The following FCRL3 variants were observed in gnomAD, a reference collection of about 807,000 sequenced individuals.
FCRL3 encodes the protein Fc receptor like 3.
In FCRL3, 89 loss-of-function variants were observed where a neutral mutation model predicts 75.0. The observed-to-expected ratio is 1.19, with a 90% CI of 1.00 to 1.42. FCRL3 has a LOEUF of 1.42. Among genes scored for constraint, FCRL3 ranks in the 40% most tolerant of loss-of-function variants. The probability of loss-of-function intolerance (pLI) is 0.00; values close to 1 mark genes in which losing one functional copy is unlikely to be tolerated. For synonymous variants in FCRL3, 376 were observed against 348.5 expected (o/e 1.08, Z -0.88); for missense variants, 946 against 880.0 (o/e 1.07, Z -0.95).
rs1656253594 is a variant in FCRL3, at chr1:157,700,530, CA to C, written c.-42del. On this transcript the variant is annotated 5_prime_UTR_variant, in exon 2 of 15. Coordinates refer to ENST00000368184, the MANE Select transcript of FCRL3 (RefSeq NM_052939.4). ...AGAGGGTTGGGAAAGTCTGTCTCACCAAAAGCCCGACTTATCTCCAAGAAGG... is the reference window on the plus strand; with the variant it reads ...AGAGGGTTGGGAAAGTCTGTCTCACCAAAGCCCGACTTATCTCCAAGAAGG... The C allele has an allele frequency of 4.3e-6, 7 of 1,613,736 alleles. No homozygotes were observed. The highest frequency in any genetic ancestry group is 5.9e-6 in the Non-Finnish European group (7 of 1,179,906).
rs759291043 is a variant in FCRL3, at chr1:157,700,454, C to T, written c.31+5G>A. ...CCGTGGCCCCATTATAGCCCATCTA[C>T]TCACTCAGGATCAGCAGCAGCAGCC... On this transcript the variant is annotated splice_donor_5th_base_variant and intron_variant, in intron 2 of 14. Transcript: ENST00000368184. 3.1e-6 allele frequency: 5 copies of T among 1,613,864 alleles called. No individual in the cohort carries two copies. The African/African-American group carries it at 5.3e-5, about 17-fold the overall frequency.
chr1:157,690,427 G>A lies in FCRL3; in HGVS notation c.1518C>T (p.Ile506=). The part of the protein sequence containing the change: ...HCESLRGSFP[I]LYWFYHEDDT... The stretch of plus-strand genomic sequence containing the variant: ...CATCCTCGTGATAAAACCAGTACAG[G>A]ATCGGGAAGGAGCCTCTCAGGGACT... Residue 506 remains isoleucine, a synonymous_variant, in exon 9 of 15, where the codon ATC becomes ATT. Transcript: ENST00000368184. The A allele has an allele frequency of 1.2e-6, 2 of 1,614,230 alleles. No individual in the cohort carries two copies. Among genetic ancestry groups the A allele is most frequent in the South Asian group, 1.1e-5 (1 of 91,088 alleles).
chr1:157,693,482 T>C (rs1200026680), intron 8 of FCRL3, among the ~76,000 whole-genome samples: 1 of 152,062 alleles, frequency 6.6e-6, no homozygotes, highest in Non-Finnish European at 1.5e-5. Context: ...GATGTAGATA[T>C]ATTGGTAAGA....
Position 157,678,463 on chromosome 1 carries a change from C to A in FCRL3, c.*247G>T. The A allele has an allele frequency of 7.4e-7, 1 of 1,359,836 alleles. No individual in the cohort carries two copies. Among genetic ancestry groups the A allele is most frequent in the South Asian group, 1.6e-5 (1 of 60,920 alleles). 84.2% of individuals were successfully genotyped at this position (1,359,836 alleles called of 1,614,324 possible). On this transcript the variant is annotated 3_prime_UTR_variant, in exon 15 of 15. Coordinates refer to ENST00000368184, the MANE Select transcript of FCRL3 (RefSeq NM_052939.4). ...TCGACAGCCCTAGGAGCTGAGGGCC[C>A]TCCTGCCTTGCCACGTGTCTCCACT...
Position 157,683,218 on chromosome 1 carries a change from T to C in FCRL3, c.1837A>G (p.Ser613Gly). Reference sequence around the variant, plus strand: ...CAGCACAAGAAGCAGAGACCTCACCTAGATGTTCCAGTGGCAGAAAGTCCT... The same window carrying C: ...CAGCACAAGAAGCAGAGACCTCACCCAGATGTTCCAGTGGCAGAAAGTCCT... Reference protein sequence around the residue: ...PGGLSATGTSSHSPSECQEPS... With the variant: ...PGGLSATGTSGHSPSECQEPS... Residue 613 changes from serine (S) to glycine (G), a missense_variant and splice_region_variant, in exon 11 of 15, where the codon AGT (serine) becomes GGT (glycine). By Grantham distance (56) the Ser-to-Gly change is moderately conservative (BLOSUM62 0). Transcript: ENST00000368184. 6.2e-7 allele frequency: 1 copy of C among 1,613,592 alleles called. No individual in the cohort carries two copies. The highest frequency in any genetic ancestry group is 8.5e-7 in the Non-Finnish European group (1 of 1,179,756).
chr1:157,696,566 A>C, intron 6 of FCRL3: 3 of 521,926 alleles, frequency 5.7e-6, no homozygotes, highest in Non-Finnish European at 1.0e-5. Flanking sequence ...CATAAATCCA[A>C]TGTTTTCTGG....
intron 8 of FCRL3, among the ~76,000 whole-genome samples, chr1:157,692,583 C>T (rs1193456715): frequency 6.6e-6 from 1 of 152,124 alleles, no homozygotes; most frequent in Non-Finnish European, 1.5e-5. Context: ...GGGGAGTGAC[C>T]TCAAACCTTT....
In FCRL3 at chr1:157,680,878, G is replaced by A; in HGVS notation, c.1957+103C>T. On this transcript the variant is annotated intron_variant, in intron 12 of 14. Transcript: ENST00000368184. ...ACTTCTATTCCCAGTGTAATGCTAG[G>A]AATGTCATTTTTAAATTTGTGACAG... is the stretch of plus-strand genomic sequence containing the variant. The A allele has an allele frequency of 9.1e-6, 13 of 1,432,354 alleles. No individual in the cohort carries two copies. The South Asian group carries it at 1.5e-4, about 16-fold the overall frequency. 88.7% of individuals were successfully genotyped at this position (1,432,354 alleles called of 1,614,324 possible). A position where few individuals can be genotyped will look rare whatever the true frequency, so the allele number is the denominator to read the frequency against.
chr1:157,696,208 A>T lies in FCRL3; in HGVS notation c.964T>A (p.Trp322Arg). The T allele has an allele frequency of 1.2e-6, 2 of 1,614,010 alleles. No homozygotes were observed. Among genetic ancestry groups the T allele is most frequent in the South Asian group, 2.2e-5 (2 of 91,074 alleles). The change falls in exon 7 of 15, where the codon TGG becomes AGG. Residue 322 changes from tryptophan to arginine, a missense_variant. By Grantham distance (101) the Trp-to-Arg change is moderately radical. Coordinates refer to ENST00000368184, the MANE Select transcript of FCRL3 (RefSeq NM_052939.4). ...AQGSGTVTFS[W>R]HKEGRVRSLG... ...CTTCTTACTCTTCCTTCTTTGTGCC[A>T]GGAGAATGTGACAGTCCCTGAACCC...
chr1:157,678,611 G>A lies in FCRL3; in HGVS notation c.*99C>T, dbSNP rs568417087. 102 of 1,560,220 alleles carry A rather than the reference G, an allele frequency of 6.5e-5. No individual in the cohort carries two copies. The highest frequency in any genetic ancestry group is 1.2e-4 in the African/African-American group (9 of 73,712). The stretch of plus-strand genomic sequence containing the variant: ...CTCACATACCCTGCAGCCCAGCCTC[G>A]TAGGAGGCAGAGTCTGGAGAGATGG... On this transcript the variant is annotated 3_prime_UTR_variant, in exon 15 of 15. Coordinates refer to ENST00000368184, the MANE Select transcript of FCRL3 (RefSeq NM_052939.4).
Position 157,677,884 on chromosome 1 carries a change from A to G in FCRL3, c.*826T>C, listed in dbSNP as rs1461098279. 5 of 868,860 alleles carry G rather than the reference A, an allele frequency of 5.8e-6. No homozygotes were observed. Among genetic ancestry groups the G allele is most frequent in the Non-Finnish European group, 6.9e-6 (5 of 724,338 alleles). The allele number at this position is 868,860 out of a possible 1,614,324, so 53.8% of individuals were successfully genotyped here. A position where few individuals can be genotyped will look rare whatever the true frequency, so the allele number is the denominator to read the frequency against. ...TTTAGAATGGTTTTTTATCAGATGG[A>G]GTGAGGTAGAGGAAGAGAATGGGAG... On this transcript the variant is annotated 3_prime_UTR_variant, in exon 15 of 15. Transcript: ENST00000368184.
At chr1:157,698,163 CT>C in intron 4 of FCRL3, 1 of 732,578 alleles carries the variant, frequency 1.4e-6, no homozygotes, top group Non-Finnish European at 2.2e-6. Context: ...ACTTGAACCC[CT>C]TTTTGCCTGA....
At chr1:157,690,562 G>A (rs759275219) in intron 8 of FCRL3, 29 bp from the exon 9 acceptor site, 1 of 1,610,220 alleles carries the variant, frequency 6.2e-7, no homozygotes. Context: ...TTCACTGGCA[G>A]TTTTACTTAA....
In FCRL3 at chr1:157,678,570, A is replaced by C. The variant is rs1022929074; in HGVS notation, c.*140T>G. The stretch of plus-strand genomic sequence containing the variant: ...CAGATCAGGCACAGGGGAGATTTGC[A>C]GACCTTTTGCTCAGCCTCACATACC... On this transcript the variant is annotated 3_prime_UTR_variant, in exon 15 of 15. Transcript: ENST00000368184. 5 of 1,503,832 alleles carry C rather than the reference A, an allele frequency of 3.3e-6. No homozygotes were observed. The African/African-American group carries it at 5.6e-5, about 17-fold the overall frequency. 93.2% of individuals were successfully genotyped at this position (1,503,832 alleles called of 1,614,324 possible).
intron 4 of FCRL3, 54 bp from the exon 5 acceptor site, chr1:157,697,973 C>G (rs1036069855): frequency 4.5e-6 from 7 of 1,572,030 alleles, no homozygotes; most frequent in Admixed American, 1.8e-5. Context: ...TCTGCCTTCA[C>G]TTTCATTTCC....
chr1:157,680,747 T>C lies in FCRL3; in HGVS notation c.1981A>G (p.Ile661Val), dbSNP rs1440604653. Reference sequence around the variant, plus strand: ...TGGATGCTCCAGATCTGGGAATAAATCGGGTTGCTATCTCCAGGATTTACT... The same window carrying C: ...TGGATGCTCCAGATCTGGGAATAAACCGGGTTGCTATCTCCAGGATTTACT... The part of the protein sequence containing the change: ...SNVNPGDSNP[I>V]YSQIWSIQHT... The change falls in exon 13 of 15, where the codon ATT (isoleucine) becomes GTT (valine). Residue 661 changes from isoleucine (I) to valine (V), a missense_variant. By Grantham distance (29) the Ile-to-Val change is conservative. Coordinates refer to ENST00000368184, the MANE Select transcript of FCRL3 (RefSeq NM_052939.4). 6.2e-7 allele frequency: 1 copy of C among 1,613,968 alleles called. No individual in the cohort carries two copies. The highest frequency in any genetic ancestry group is 1.3e-5 in the African/African-American group (1 of 74,934).
Position 157,698,368 on chromosome 1 carries a change from C to T in FCRL3, c.298+16G>A. On this transcript the variant is annotated intron_variant, in intron 4 of 14. Transcript: ENST00000368184. ...CCTGGTGGCTTGACTTTAGACACTC[C>T]CCTTCCATTCCTCACCAGGTGAAAA... 6.2e-7 allele frequency: 1 copy of T among 1,613,868 alleles called. No homozygotes were observed. Among genetic ancestry groups the T allele is most frequent in the Non-Finnish European group, 8.5e-7 (1 of 1,179,890 alleles).
Position 157,697,183 on chromosome 1 carries a change from G to T in FCRL3, c.801C>A (p.His267Gln). 2 of 1,525,684 alleles carry T rather than the reference G, an allele frequency of 1.3e-6. No homozygotes were observed. Among genetic ancestry groups the T allele is most frequent in the African/African-American group, 1.4e-5 (1 of 71,580 alleles). 94.5% of individuals were successfully genotyped at this position (1,525,684 alleles called of 1,614,324 possible). The change falls in exon 6 of 15, where the codon CAC (histidine) becomes CAA (glutamine). Residue 267 changes from histidine (H) to glutamine (Q), a missense_variant. His to Gln is a conservative substitution (Grantham distance 24). Transcript: ENST00000368184. ...ATCTCAGGCTCCTTTTTTTGATGCT[G>T]TGAGTCACTGTCTCCACCTCACACC... ...SYWCEVETVTHSIKKRSLRSQ... is the reference protein window; with the variant it reads ...SYWCEVETVTQSIKKRSLRSQ...
chr1:157,691,312 G>A (rs552579773), intron 8 of FCRL3, among the ~76,000 whole-genome samples: 1 of 152,300 alleles, frequency 6.6e-6, no homozygotes, highest in African/African-American at 2.4e-5. Context: ...CTGTAAGATT[G>A]CTGGTTCTGC....
Sources: gnomAD v4.1 joint callset for allele counts (sites outside exome capture counted in the v4.1 genomes callset) on GRCh38, gnomAD v4.1.1 for gene constraint, MANE v1.5 for transcripts, NCBI Gene and HGNC (gene_info 2026-07-23, HGNC 2026-07-21) for gene names.